The following SLC22A11 variants were observed in gnomAD, a reference collection of about 807,000 sequenced individuals.
SLC22A11 encodes solute carrier family 22 member 11, also known as organic anion transporter 4.
A neutral mutation model predicts 49.4 loss-of-function variants in SLC22A11; 42 were observed. The ratio of observed to expected loss-of-function variants is 0.85; its 90% CI spans 0.66 to 1.10. SLC22A11 has a LOEUF of 1.10. Among genes scored for constraint, SLC22A11 ranks in the 50% least tolerant of loss-of-function variants. The pLI, the probability that SLC22A11 is intolerant of heterozygous loss-of-function variation, is 0.00. For missense variants in SLC22A11, 685 were observed against 731.6 expected (o/e 0.94, Z 0.74); for synonymous variants, 304 against 315.8 (o/e 0.96, Z 0.40).
intron 4 of SLC22A11, among the ~76,000 whole-genome samples, chr11:64,563,915 C>CA (rs369603411): frequency 0.017 from 2,496 of 144,040 alleles, 27 homozygotes; most frequent in South Asian, 0.043. Flanking sequence ...GACTCCATCT[C>CA]AAAAAAAAAA....
At chr11:64,561,464 T>G (rs1261339233) in intron 2 of SLC22A11, among the ~76,000 whole-genome samples, 1 of 152,154 alleles carries the variant, frequency 6.6e-6, no homozygotes, top group Non-Finnish European at 1.5e-5. Context: ...TATTTATTTA[T>G]TAGAGACAGA....
chr11:64,556,737 C>T (rs1591371356), intron 1 of SLC22A11, among the ~76,000 whole-genome samples: 1 of 152,164 alleles, frequency 6.6e-6, no homozygotes, highest in Non-Finnish European at 1.5e-5. Context: ...TCTGGCTGAA[C>T]TGACCCAACA....
At position 64,564,180 on chromosome 11, in the gene SLC22A11, G is replaced by A; in HGVS notation, c.822-128G>A. Reference sequence around the variant, plus strand: ...CTGCCAGGCTCCTGGCTGGGCAGCAGCGGCACAGAAGCATGTGCTTCCTCA... The same window carrying A: ...CTGCCAGGCTCCTGGCTGGGCAGCAACGGCACAGAAGCATGTGCTTCCTCA... On this transcript the variant is annotated intron_variant, in intron 4 of 9. Coordinates refer to ENST00000301891, the MANE Select transcript of SLC22A11 (RefSeq NM_018484.4). This position sits in a 1 kb window ranked among gnomAD's most constrained non-coding sequence, Gnocchi z 4.2. 4.1e-6 allele frequency: 5 copies of A among 1,216,734 alleles called. No individual in the cohort carries two copies. The highest frequency in any genetic ancestry group is 5.7e-6 in the Non-Finnish European group (5 of 876,594). 75.4% of individuals were successfully genotyped at this position (1,216,734 alleles called of 1,614,324 possible). A position where few individuals can be genotyped will look rare whatever the true frequency, so the allele number is the denominator to read the frequency against.
In SLC22A11 at chr11:64,565,894, C is replaced by T. The variant is rs901578955; in HGVS notation, c.1058+557C>T. 19 of 221,602 alleles carry T rather than the reference C, an allele frequency of 8.6e-5. No individual in the cohort carries two copies. The highest frequency in any genetic ancestry group is 2.5e-4 in the Admixed American group (5 of 20,086). 13.7% of individuals were successfully genotyped at this position (221,602 alleles called of 1,614,324 possible). On this transcript the variant is annotated intron_variant, in intron 6 of 9. Transcript: ENST00000301891. This position sits in a 1 kb window ranked among gnomAD's most constrained non-coding sequence, Gnocchi z 4.1. ...TACCGGCACTGTCACTGCCAGGGCC[C>T]GCGCGACCAGACCCTGGCCCTCCCC...
In SLC22A11 at chr11:64,563,195, A is replaced by G. The variant is rs934360362; in HGVS notation, c.821+760A>G. 2.6e-5 allele frequency among the ~76,000 whole-genome samples: 4 copies of G among 152,140 alleles called. No homozygotes were observed. The East Asian group carries it at 5.8e-4, about 22-fold the overall frequency. The stretch of plus-strand genomic sequence containing the variant: ...TGAAGAGGAAGGCCATCCCATAATT[A>G]CAATAATTAGGCCATCCCCGCCACG... On this transcript the variant is annotated intron_variant, in intron 4 of 9. Transcript: ENST00000301891.
chr11:64,557,627 CTT>C (rs766276214), intron 1 of SLC22A11, among the ~76,000 whole-genome samples: 1,788 of 103,996 alleles, frequency 0.017, 26 homozygotes, highest in African/African-American at 0.064. Flanking sequence ...TTTTCTTTCT[CTT>C]TTTTTTTTTT....
chr11:64,556,522 A>G (rs2038462698), intron 1 of SLC22A11, 130 bp downstream of exon 1: 2 of 1,388,018 alleles, frequency 1.4e-6, no homozygotes, highest in Non-Finnish European at 1.9e-6. Flanking sequence ...GCCCCTCGTC[A>G]GCCACACACA....
At chr11:64,567,147 T>C (rs1187601493) in intron 6 of SLC22A11, among the ~76,000 whole-genome samples, 4 of 152,080 alleles carry the variant, frequency 2.6e-5, no homozygotes, top group African/African-American at 9.7e-5. Flanking sequence ...CTCTCCATCC[T>C]GAATGTGGTC....
chr11:64,559,329 C>A, intron 2 of SLC22A11, 91 bp downstream of exon 2: 1 of 957,674 alleles, frequency 1.0e-6, no homozygotes, highest in African/African-American at 1.7e-5. Context: ...AGGCAAACAC[C>A]CCATCCCTGC....
At chr11:64,556,720 A>AG (rs534722273) in intron 1 of SLC22A11, among the ~76,000 whole-genome samples, 3 of 152,082 alleles carry the variant, frequency 2.0e-5, no homozygotes, top group Non-Finnish European at 4.4e-5. Context: ...ATCAGGGGTA[A>AG]GGGGGGTCTG....
In SLC22A11 at chr11:64,565,788, G is replaced by A. The variant is rs1450433395; in HGVS notation, c.1058+451G>A. 5 of 342,776 alleles carry A rather than the reference G, an allele frequency of 1.5e-5. No homozygotes were observed. The Admixed American group carries it at 1.9e-4, about 13-fold the overall frequency. 21.2% of individuals were successfully genotyped at this position (342,776 alleles called of 1,614,324 possible). ...CATGCAACCCCACTTCACTGATGGG[G>A]AAAGAGGATCCCAGAGGGGTAAGGA... On this transcript the variant is annotated intron_variant, in intron 6 of 9. Transcript: ENST00000301891. This position sits in a 1 kb window ranked among gnomAD's most constrained non-coding sequence, Gnocchi z 4.1.
rs1454330771 is a variant in SLC22A11 at position 64,569,737 on chromosome 11, C to G, written c.1468C>G (p.Pro490Ala). 1 of 1,614,086 alleles carries G rather than the reference C, an allele frequency of 6.2e-7. No individual in the cohort carries two copies. The highest frequency in any genetic ancestry group is 8.5e-7 in the Non-Finnish European group (1 of 1,180,058). Reference sequence around the variant, plus strand: ...GATCCTGATGAGCCGCCAAGCCCTGCCCCTGCTGCCTCCTCTCCTCTATGG... The same window carrying G: ...GATCCTGATGAGCCGCCAAGCCCTGGCCCTGCTGCCTCCTCTCCTCTATGG... ...PLILMSRQALPLLPPLLYGVI... is the reference protein window; with the variant it reads ...PLILMSRQALALLPPLLYGVI... Residue 490 changes from proline to alanine, a missense_variant, in exon 9 of 10, where the codon CCC becomes GCC. Transcript: ENST00000301891.
Position 64,556,423 on chromosome 11 carries a change from C to T in SLC22A11, c.393+31C>T, listed in dbSNP as rs767311874. On this transcript the variant is annotated intron_variant, in intron 1 of 9. Coordinates refer to ENST00000301891, the MANE Select transcript of SLC22A11 (RefSeq NM_018484.4). ...GCCTCCCCCAGAGCCACTCGAGTCC[C>T]GTCACCTTGGAGGTCAGAGTCATGG... The T allele has an allele frequency of 2.6e-5, 41 of 1,603,396 alleles. 1 individual carries two copies. The East Asian group carries it at 5.6e-4, about 22-fold the overall frequency.
In SLC22A11 at chr11:64,571,015, C is replaced by A. The variant is rs769934108; in HGVS notation, c.1626C>A (p.Ala542=). Residue 542 remains alanine, a synonymous_variant, in exon 10 of 10, where the codon GCC becomes GCA. Coordinates refer to ENST00000301891, the MANE Select transcript of SLC22A11 (RefSeq NM_018484.4). ...CAGCCCAGGGCAACCGGCAAGAGGCCGTCACTGTGGAAAGTACCTCGCTCT... is the reference window on the plus strand; with the variant it reads ...CAGCCCAGGGCAACCGGCAAGAGGCAGTCACTGTGGAAAGTACCTCGCTCT... ...STAAQGNRQE[A]VTVESTSL is the part of the protein sequence containing the mutation. The A allele has an allele frequency of 1.9e-6, 3 of 1,614,208 alleles. No homozygotes were observed. Among genetic ancestry groups the A allele is most frequent in the South Asian group, 2.2e-5 (2 of 91,086 alleles).
At chr11:64,558,066 G>A (rs766408774) in intron 1 of SLC22A11, among the ~76,000 whole-genome samples, 4 of 152,124 alleles carry the variant, frequency 2.6e-5, no homozygotes, top group Non-Finnish European at 5.9e-5. Context: ...CCAAAGTGCT[G>A]GGATTACAGG....
At chr11:64,560,142 G>GGC (rs1463836807) in intron 2 of SLC22A11, among the ~76,000 whole-genome samples, 1 of 150,546 alleles carries the variant, frequency 6.6e-6, no homozygotes, top group East Asian at 2.0e-4. Context: ...CGCCTGCGCT[G>GGC]TCCCCTGGCC....
chr11:64,570,755 C>T (rs752256279), intron 9 of SLC22A11, among the ~76,000 whole-genome samples: 12 of 152,204 alleles, frequency 7.9e-5, no homozygotes, highest in Admixed American at 1.3e-4. Context: ...AGGACACCTG[C>T]AGAGACCCGG....
At chr11:64,560,016 C>T (rs1250394442) in intron 2 of SLC22A11, among the ~76,000 whole-genome samples, 1 of 151,576 alleles carries the variant, frequency 6.6e-6, no homozygotes, top group East Asian at 1.9e-4. Context: ...TCCCGCTCCC[C>T]CTCCTGCCTC....
At position 64,564,904 on chromosome 11, in the gene SLC22A11, G is replaced by A. The variant is rs114172104; in HGVS notation, c.943-318G>A. ...CTGGGGAAACAGAATGTGTTTATTT[G>A]AAGGTAGCTGCTTTCAGGAAACAGG... On this transcript the variant is annotated intron_variant, in intron 5 of 9. Transcript: ENST00000301891. This position sits in a 1 kb window ranked among gnomAD's most constrained non-coding sequence, Gnocchi z 4.2. Among the ~76,000 whole-genome samples the A allele has an allele frequency of 9.2e-4, 140 of 152,342 alleles. No individual in the cohort carries two copies. The highest frequency in any genetic ancestry group is 3.3e-3 in the African/African-American group (137 of 41,584).
Sources: gnomAD v4.1 joint callset for allele counts (sites outside exome capture counted in the v4.1 genomes callset) on GRCh38, gnomAD v4.1.1 for gene constraint, Gnocchi (gnomAD v3.1) non-coding constraint, MANE v1.5 for transcripts, NCBI Gene and HGNC (gene_info 2026-07-23, HGNC 2026-07-21) for gene names.